Variants in C1orf21 observed in about 807,000 individuals in gnomAD.
C1orf21 encodes chromosome 1 open reading frame 21, also known as uncharacterized protein C1orf21.
Under a neutral mutation model 18.7 loss-of-function variants are expected in C1orf21, and 3 were observed. That is an observed-to-expected ratio of 0.16 (90% CI 0.07 to 0.42). The LOEUF is 0.42. C1orf21 is among the 10% of genes least tolerant of loss of function. The probability of loss-of-function intolerance (pLI) is 0.99; values close to 1 mark genes in which losing one functional copy is unlikely to be tolerated. For missense variants in C1orf21, 104 were observed against 143.6 expected, an observed-to-expected ratio of 0.72 and a Z score of 1.41; for synonymous variants, 41 against 46.4, an observed-to-expected ratio of 0.88 and a Z score of 0.47.
intron 3 of C1orf21, among the ~76,000 whole-genome samples, chr1:184,539,282 T>G (rs1335517454): frequency 6.6e-6 from 1 of 152,194 alleles, no homozygotes; most frequent in Non-Finnish European, 1.5e-5. Context: ...TCTGTAAATG[T>G]GGTATATTAC....
At chr1:184,473,955 T>C (rs80246306) in intron 1 of C1orf21, among the ~76,000 whole-genome samples, 31 of 152,328 alleles carry the variant, frequency 2.0e-4, no homozygotes, top group African/African-American at 7.0e-4. Context: ...TCACTTAGTA[T>C]TTTAAAATCA....
chr1:184,440,400 C>T (rs970136248), intron 1 of C1orf21, among the ~76,000 whole-genome samples: 44 of 152,008 alleles, frequency 2.9e-4, no homozygotes, highest in African/African-American at 1.0e-3. Flanking sequence ...ACGCCCTACA[C>T]CGGCCATTTT....
chr1:184,605,972 C>T (rs568325637), intron 5 of C1orf21, among the ~76,000 whole-genome samples: 1 of 152,260 alleles, frequency 6.6e-6, no homozygotes, highest in African/African-American at 2.4e-5. Context: ...TTGGATCCTG[C>T]GTGAGCAAGT....
intron 1 of C1orf21, among the ~76,000 whole-genome samples, chr1:184,433,235 A>G (rs1263601017): frequency 6.6e-6 from 1 of 151,374 alleles, no homozygotes; most frequent in African/African-American, 2.4e-5. Flanking sequence ...AACCCTAGCC[A>G]TGGAAAATCC....
chr1:184,400,556 T>C (rs1159508427), intron 1 of C1orf21, among the ~76,000 whole-genome samples: 4 of 152,232 alleles, frequency 2.6e-5, no homozygotes, highest in Non-Finnish European at 4.4e-5. Context: ...CTCTGTACCA[T>C]GGGTAGAAAT....
rs1000739717 is a variant in C1orf21 at position 184,551,879 on chromosome 1, C to A, written c.190-38860C>A. On this transcript the variant is annotated intron_variant, in intron 3 of 5. Coordinates refer to ENST00000235307, the MANE Select transcript of C1orf21 (RefSeq NM_030806.4). ...ATTAGCCGGGTGTGGTGGCATGTGC[C>A]TGTAGACCTGGCTATGGCTACACCA... 8.0e-5 allele frequency among the ~76,000 whole-genome samples: 12 copies of A among 150,730 alleles called. 1 individual carries two copies. Among genetic ancestry groups the A allele is most frequent in the Admixed American group, 6.0e-4 (9 of 15,120 alleles).
At chr1:184,563,369 TTG>T (rs1194884328) in intron 3 of C1orf21, among the ~76,000 whole-genome samples, 2 of 152,228 alleles carry the variant, frequency 1.3e-5, no homozygotes, top group African/African-American at 4.8e-5. Flanking sequence ...CAGCAAAACA[TTG>T]TGTTGGTTAA....
intron 5 of C1orf21, among the ~76,000 whole-genome samples, chr1:184,611,041 C>G (rs1475943457): frequency 2.0e-5 from 3 of 151,942 alleles, no homozygotes; most frequent in Non-Finnish European, 4.4e-5. Context: ...TATATATGGT[C>G]AAAGAAACAG....
At position 184,387,688 on chromosome 1, in the gene C1orf21, G is replaced by C. The variant is rs865795003; in HGVS notation, c.-125+320G>C. Reference sequence around the variant, plus strand: ...ACTTTCGTCACATCGAGGCCTGGGTGGCTGGTGTTAGACACCCCTCCCTTC... The same window carrying C: ...ACTTTCGTCACATCGAGGCCTGGGTCGCTGGTGTTAGACACCCCTCCCTTC... On this transcript the variant is annotated intron_variant, in intron 1 of 5. Transcript: ENST00000235307. This position sits in a 1 kb window ranked among gnomAD's most constrained non-coding sequence, Gnocchi z 5.6. Among the ~76,000 whole-genome samples, 1 of 152,164 alleles carries C rather than the reference G, an allele frequency of 6.6e-6. No homozygotes were observed. The highest frequency in any genetic ancestry group is 1.5e-5 in the Non-Finnish European group (1 of 68,022).
In C1orf21 at chr1:184,559,501, TCCCC is replaced by T. The variant is rs1182812216; in HGVS notation, c.190-31235_190-31232del. Among the ~76,000 whole-genome samples the T allele has an allele frequency of 8.3e-4, 60 of 72,602 alleles. 1 individual carries two copies. The highest frequency in any genetic ancestry group is 3.3e-3 in the African/African-American group (53 of 15,958). The allele number at this position is 72,602 out of a possible 152,430, so 47.6% of individuals were successfully genotyped here. On this transcript the variant is annotated intron_variant, in intron 3 of 5. Coordinates refer to ENST00000235307, the MANE Select transcript of C1orf21 (RefSeq NM_030806.4). ...CTCCTTCCTTCCTTCCTTCCTTCCT[TCCCC>T]CCTTCCTTCCTTCCTTCCTTCCTTC... is the stretch of plus-strand genomic sequence containing the variant.
Position 184,625,553 on chromosome 1 carries a change from C to T in C1orf21, c.*5997C>T, listed in dbSNP as rs140176003. The T allele has an allele frequency of 1.3e-4, 20 of 152,642 alleles. No homozygotes were observed. Among genetic ancestry groups the T allele is most frequent in the South Asian group, 2.1e-4 (1 of 4,816 alleles). The allele number at this position is 152,642 out of a possible 1,614,324, so 9.5% of individuals were successfully genotyped here. A position where few individuals can be genotyped will look rare whatever the true frequency, so the allele number is the denominator to read the frequency against. On this transcript the variant is annotated 3_prime_UTR_variant, in exon 6 of 6. Coordinates refer to ENST00000235307, the MANE Select transcript of C1orf21 (RefSeq NM_030806.4). ...TTCTTAACACACATACACATACACG[C>T]GCATACATACATATACAGAGAGATA...
chr1:184,533,335 T>G (rs576856121), intron 3 of C1orf21, among the ~76,000 whole-genome samples: 1 of 152,314 alleles, frequency 6.6e-6, no homozygotes, highest in South Asian at 2.1e-4. Flanking sequence ...AAGTCCTGTT[T>G]GCTCTAGGCC....
Position 184,606,561 on chromosome 1 carries a change from C to T in C1orf21, c.327+8100C>T, listed in dbSNP as rs1337489200. ...TGCCACTGCACTCCAGCCTGGGTGACAGAGCAAGACTTTGTCTCTTAAAAA... is the reference window on the plus strand; with the variant it reads ...TGCCACTGCACTCCAGCCTGGGTGATAGAGCAAGACTTTGTCTCTTAAAAA... On this transcript the variant is annotated intron_variant, in intron 5 of 5. Transcript: ENST00000235307. 2.0e-5 allele frequency among the ~76,000 whole-genome samples: 3 copies of T among 152,134 alleles called. No homozygotes were observed. The East Asian group carries it at 5.8e-4, about 29-fold the overall frequency.
At chr1:184,607,603 A>G (rs150518977) in intron 5 of C1orf21, among the ~76,000 whole-genome samples, 1 of 151,752 alleles carries the variant, frequency 6.6e-6, no homozygotes, top group African/African-American at 2.4e-5. Flanking sequence ...AAGCATATAG[A>G]TATATATATA....
chr1:184,531,357 T>C (rs996019247), intron 3 of C1orf21, among the ~76,000 whole-genome samples: 1 of 152,180 alleles, frequency 6.6e-6, no homozygotes, highest in African/African-American at 2.4e-5. Context: ...ACCCTCCATA[T>C]GTATTTCTTG....
chr1:184,565,751 A>C (rs1158025811), intron 3 of C1orf21, among the ~76,000 whole-genome samples: 1 of 152,248 alleles, frequency 6.6e-6, no homozygotes, highest in Non-Finnish European at 1.5e-5. Flanking sequence ...ACATTATTAA[A>C]GTCCTGCATA....
intron 5 of C1orf21, among the ~76,000 whole-genome samples, chr1:184,616,816 T>C (rs1659834085): frequency 6.6e-6 from 1 of 152,208 alleles, no homozygotes; most frequent in African/African-American, 2.4e-5. Context: ...ATTGGCTGGC[T>C]GAGACTTTGC....
intron 3 of C1orf21, among the ~76,000 whole-genome samples, chr1:184,574,903 A>C (rs546583212): frequency 6.6e-6 from 1 of 152,348 alleles, no homozygotes; most frequent in African/African-American, 2.4e-5. Flanking sequence ...CCGCATCCAC[A>C]GGACGAGCTC....
chr1:184,415,305 CCTT>C (rs749502933), intron 1 of C1orf21, among the ~76,000 whole-genome samples: 3 of 152,180 alleles, frequency 2.0e-5, no homozygotes, highest in Non-Finnish European at 4.4e-5. Flanking sequence ...CCTCTTTGGA[CCTT>C]CTTCTTTTGA....
Sources: gnomAD v4.1 joint callset for allele counts (sites outside exome capture counted in the v4.1 genomes callset) on GRCh38, gnomAD v4.1.1 for gene constraint, Gnocchi (gnomAD v3.1) non-coding constraint, MANE v1.5 for transcripts, NCBI Gene and HGNC (gene_info 2026-07-23, HGNC 2026-07-21) for gene names.